The following KCNH2 variants were observed in gnomAD, a reference collection of about 807,000 sequenced individuals.
KCNH2 encodes the protein voltage-gated inwardly rectifying potassium channel KCNH2.
Under a neutral mutation model 95.9 loss-of-function variants are expected in KCNH2, and 35 were observed. That is an observed-to-expected ratio of 0.37 (90% CI 0.28 to 0.48). The LOEUF is 0.48. KCNH2 is among the 20% of genes least tolerant of loss of function. KCNH2 has a pLI of 0.99. For synonymous variants in KCNH2, 786 were observed against 754.7 expected, an observed-to-expected ratio of 1.04 and a Z score of -0.68; for missense variants, 1,274 against 1,702.9, an observed-to-expected ratio of 0.75 and a Z score of 4.43.
chr7:150,954,410 G>T (rs1258428790), intron 5 of KCNH2, among the ~76,000 whole-genome samples: 1 of 152,200 alleles, frequency 6.6e-6, no homozygotes, highest in African/African-American at 2.4e-5. Context: ...TAACAGCAGT[G>T]ACCCTACCCC....
rs1801008329 is a variant in KCNH2, at chr7:150,948,487, CCGA to C, written c.2646_2648del (p.Ser882del). The C allele has an allele frequency of 5.4e-6, 8 of 1,493,952 alleles. No individual in the cohort carries two copies. The highest frequency in any genetic ancestry group is 1.4e-5 in the African/African-American group (1 of 70,188). 92.5% of individuals were successfully genotyped at this position (1,493,952 alleles called of 1,614,324 possible). A position where few individuals can be genotyped will look rare whatever the true frequency, so the allele number is the denominator to read the frequency against. On this transcript the variant is annotated inframe_deletion, in exon 11 of 15. Transcript: ENST00000262186. Reference sequence around the variant, plus strand: ...GGAAGGACAACTTGCGCTTGCGTTGCCGACTGAAGCCACCCTCTAACTCCGTAC... The same window carrying C: ...GGAAGGACAACTTGCGCTTGCGTTGCCTGAAGCCACCCTCTAACTCCGTAC...
In KCNH2 at chr7:150,955,400, T is replaced by C. The variant is rs1584860688; in HGVS notation, c.1128+1891A>G. 3 of 1,558,324 alleles carry C rather than the reference T, an allele frequency of 1.9e-6. No homozygotes were observed. The East Asian group carries it at 7.2e-5, about 38-fold the overall frequency. Reference sequence around the variant, plus strand: ...GAAGGACCGGGTGTCACCTACCTCCTGGGCCACGAGGCTGGAGATGCGCAC... The same window carrying C: ...GAAGGACCGGGTGTCACCTACCTCCCGGGCCACGAGGCTGGAGATGCGCAC... On this transcript the variant is annotated intron_variant, in intron 5 of 14. Transcript: ENST00000262186.
In KCNH2 at chr7:150,948,427, C is replaced by G; in HGVS notation, c.2692+17G>C. On this transcript the variant is annotated intron_variant, in intron 11 of 14. Transcript: ENST00000262186. Reference sequence around the variant, plus strand: ...CCTTGTCCCCGCCCTCCCCCTTCCTCCCCTCCCCCGCCTCACCCTTGTCCG... The same window carrying G: ...CCTTGTCCCCGCCCTCCCCCTTCCTGCCCTCCCCCGCCTCACCCTTGTCCG... 2.7e-6 allele frequency: 3 copies of G among 1,110,724 alleles called. No homozygotes were observed. Among genetic ancestry groups the G allele is most frequent in the Non-Finnish European group, 2.6e-6 (2 of 759,932 alleles). 68.8% of individuals were successfully genotyped at this position (1,110,724 alleles called of 1,614,324 possible).
intron 2 of KCNH2, among the ~76,000 whole-genome samples, chr7:150,966,896 A>C (rs1190327577): frequency 2.0e-5 from 3 of 152,150 alleles, no homozygotes; most frequent in Non-Finnish European, 2.9e-5. Context: ...GTTCTCCCCA[A>C]ATTAATCTAT....
intron 2 of KCNH2, among the ~76,000 whole-genome samples, chr7:150,972,183 C>T (rs993774794): frequency 2.6e-5 from 4 of 152,250 alleles, no homozygotes; most frequent in African/African-American, 9.6e-5. Flanking sequence ...CCTGACACTG[C>T]GCAGAGCAAG....
chr7:150,964,866 C>T (rs1365218223), intron 2 of KCNH2, among the ~76,000 whole-genome samples: 3 of 152,118 alleles, frequency 2.0e-5, no homozygotes, highest in African/African-American at 4.8e-5. Context: ...CTGGTGGCGG[C>T]GACAGGAAGA....
Position 150,946,550 on chromosome 7 carries a change from C to T in KCNH2, c.3330+327G>A, listed in dbSNP as rs926463727. Among the ~76,000 whole-genome samples, 5 of 152,328 alleles carry T rather than the reference C, an allele frequency of 3.3e-5. No individual in the cohort carries two copies. Among genetic ancestry groups the T allele is most frequent in the African/African-American group, 1.2e-4 (5 of 41,574 alleles). ...CCCGTGGCCGTGAGACAGGCACCACCGTTGGAGCTGGCTCTTCAGGCGATG... is the reference window on the plus strand; with the variant it reads ...CCCGTGGCCGTGAGACAGGCACCACTGTTGGAGCTGGCTCTTCAGGCGATG... On this transcript the variant is annotated intron_variant, in intron 14 of 14. Coordinates refer to ENST00000262186, the MANE Select transcript of KCNH2 (RefSeq NM_000238.4). This position sits in a 1 kb window ranked among gnomAD's most constrained non-coding sequence, Gnocchi z 6.5.
chr7:150,974,054 G>C (rs1938205667), intron 2 of KCNH2, among the ~76,000 whole-genome samples: 2 of 152,256 alleles, frequency 1.3e-5, no homozygotes, highest in Non-Finnish European at 2.9e-5. Context: ...CGGAAGCCCA[G>C]AGCAGCTGTG....
At position 150,977,871 on chromosome 7, in the gene KCNH2, G is replaced by C. The variant is rs1452324629; in HGVS notation, c.43C>G (p.Leu15Val). ...TCAAACTTGCGGATGATGGTGTCCA[G>C]GAAGGTGTTCTGCGGCGCGACGTGG... ...RGHVAPQNTF[L>V]DTIIRKFEGQ... The change falls in exon 1 of 15, where the codon CTG (leucine) becomes GTG (valine). Residue 15 changes from leucine to valine, a missense_variant. Physicochemically the swap from Leu to Val is conservative, Grantham distance 32. This residue lies in a region of KCNH2 where 29 missense variants were observed against 25.2 expected (regional missense o/e 1.15). Coordinates refer to ENST00000262186, the MANE Select transcript of KCNH2 (RefSeq NM_000238.4). 3 of 1,591,892 alleles carry C rather than the reference G, an allele frequency of 1.9e-6. No individual in the cohort carries two copies. Among genetic ancestry groups the C allele is most frequent in the Admixed American group, 1.7e-5 (1 of 58,474 alleles).
In KCNH2 at chr7:150,957,496, A is replaced by C. The variant is rs372559632; in HGVS notation, c.923T>G (p.Met308Arg). The C allele has an allele frequency of 1.4e-5, 22 of 1,612,184 alleles. No individual in the cohort carries two copies. The highest frequency in any genetic ancestry group is 1.7e-5 in the Non-Finnish European group (20 of 1,179,674). ...GAGCAAGCCGCTGCGCAGTGGGTGC[A>C]TGGCCCCTAGGTGGAGAGGCAGCGT... ...PPPRHASTGA[M>R]HPLRSGLLNS... Residue 308 changes from methionine to arginine, a missense_variant, in exon 5 of 15, where the codon ATG becomes AGG. Met to Arg is a moderately conservative substitution (Grantham distance 91, BLOSUM62 -1). Around this residue, in one of 7 missense-constraint regions of KCNH2, gnomAD observed 392 missense variants for 429.9 expected, o/e 0.91. Coordinates refer to ENST00000262186, the MANE Select transcript of KCNH2 (RefSeq NM_000238.4).
At chr7:150,949,692 T>G in intron 9 of KCNH2, 1 of 1,164,222 alleles carries the variant, frequency 8.6e-7, no homozygotes, top group South Asian at 1.8e-5. Flanking sequence ...AAGTCCTCAG[T>G]GTCCAGACAC....
chr7:150,949,437 G>GTATGTTCTTTCAGT, intron 9 of KCNH2: 1 of 511,570 alleles, frequency 2.0e-6, no homozygotes, highest in Non-Finnish European at 2.6e-6. Context: ...TTTTTTTACT[G>GTATGTTCTTTCAGT]AAAGAACATA....
At chr7:150,976,951 A>G (rs565287596) in intron 1 of KCNH2, among the ~76,000 whole-genome samples, 1 of 152,192 alleles carries the variant, frequency 6.6e-6, no homozygotes, top group African/African-American at 2.4e-5. Context: ...AGGGTCATGG[A>G]CAAGGAATGT....
rs1801931669 is a variant in KCNH2 at position 150,974,760 on chromosome 7, C to T, written c.258G>A (p.Leu86=). ...RRAAAQIAQA[L]LGAEERKVEI... is the part of the protein sequence containing the mutation. ...CCACTTTGCGCTCCTCGGCGCCCAG[C>T]AGTGCCTGCGCGATCTGCGCGGCAG... is the stretch of plus-strand genomic sequence containing the variant. Residue 86 remains leucine (L), a synonymous_variant, in exon 2 of 15, where the codon CTG becomes CTA. Coordinates refer to ENST00000262186, the MANE Select transcript of KCNH2 (RefSeq NM_000238.4). 14 of 1,606,894 alleles carry T rather than the reference C, an allele frequency of 8.7e-6. No homozygotes were observed. Among genetic ancestry groups the T allele is most frequent in the Non-Finnish European group, 1.2e-5 (14 of 1,177,350 alleles).
chr7:150,970,388 G>A (rs1316299635), intron 2 of KCNH2, among the ~76,000 whole-genome samples: 3 of 151,730 alleles, frequency 2.0e-5, no homozygotes, highest in Non-Finnish European at 4.4e-5. Flanking sequence ...GCTCCTCTCC[G>A]GGGGCTGCAG....
At chr7:150,964,048 A>G (rs1584872265) in intron 2 of KCNH2, among the ~76,000 whole-genome samples, 1 of 152,172 alleles carries the variant, frequency 6.6e-6, no homozygotes, top group African/African-American at 2.4e-5. Context: ...GGCTCCACCC[A>G]ATTCCCCACC....
chr7:150,952,797 G>A lies in KCNH2; in HGVS notation c.1185C>T (p.Ile395=). The change falls in exon 6 of 15, where the codon ATC becomes ATT. Residue 395 remains isoleucine (I), a synonymous_variant. Coordinates refer to ENST00000262186, the MANE Select transcript of KCNH2 (RefSeq NM_000238.4). The surrounding 1 kb of genome is among the most constrained non-coding windows in gnomAD (Gnocchi z 7.3). ...LPEYKLQAPR[I]HRWTILHYSP... ...TGTAATGCAGGATGGTCCAGCGGTGGATGCGCGGTGCCTGCAGCTTGTACT... is the reference window on the plus strand; with the variant it reads ...TGTAATGCAGGATGGTCCAGCGGTGAATGCGCGGTGCCTGCAGCTTGTACT... 1 of 1,614,116 alleles carries A rather than the reference G, an allele frequency of 6.2e-7. No homozygotes were observed. Among genetic ancestry groups the A allele is most frequent in the South Asian group, 1.1e-5 (1 of 91,084 alleles).
intron 2 of KCNH2, among the ~76,000 whole-genome samples, chr7:150,973,647 A>G (rs1211550396): frequency 1.3e-5 from 2 of 152,230 alleles, no homozygotes; most frequent in African/African-American, 4.8e-5. Context: ...CACGCCTGCA[A>G]AAGCACAGCC....
At chr7:150,970,746 C>A (rs552317715) in intron 2 of KCNH2, among the ~76,000 whole-genome samples, 1 of 152,330 alleles carries the variant, frequency 6.6e-6, no homozygotes, top group African/African-American at 2.4e-5. Flanking sequence ...CTGCACCAGG[C>A]CTTGACCAGA....
Sources: gnomAD v4.1 joint callset for allele counts (sites outside exome capture counted in the v4.1 genomes callset) on GRCh38, gnomAD v4.1.1 for gene constraint, gnomAD v4.1.1 regional missense constraint, Gnocchi (gnomAD v3.1) non-coding constraint, MANE v1.5 for transcripts, NCBI Gene and HGNC (gene_info 2026-07-23, HGNC 2026-07-21) for gene names.